SMIM3: variants seen among roughly 807,000 people sequenced by gnomAD.
The protein encoded by SMIM3 is NGF-induced differentiation clone 67 protein.
Under a neutral mutation model 2.1 loss-of-function variants are expected in SMIM3, and 4 were observed. The ratio of observed to expected loss-of-function variants is 1.89; its 90% confidence interval spans 0.93 to 4.31. SMIM3 has a LOEUF of 4.31. SMIM3 is among the 30% of genes most tolerant of loss of function. The pLI is 0.01. For missense variants in SMIM3, 79 were observed against 77.7 expected, an observed-to-expected ratio of 1.02 and a Z score of -0.06; for synonymous variants, 29 against 30.8, an observed-to-expected ratio of 0.94 and a Z score of 0.19.
At chr5:150,788,588 C>T (rs1753316260) in intron 1 of SMIM3, among the ~76,000 whole-genome samples, 1 of 146,870 alleles carries the variant, frequency 6.8e-6, no homozygotes, top group African/African-American at 2.6e-5. Flanking sequence ...GAGCTGAGAT[C>T]ACGCCACTGC....
chr5:150,786,651 T>A (rs999193097), intron 1 of SMIM3, among the ~76,000 whole-genome samples: 6 of 152,092 alleles, frequency 3.9e-5, no homozygotes, highest in Middle Eastern at 3.2e-3. Flanking sequence ...TCTGTCAAAA[T>A]TCTCAAACTT....
chr5:150,787,305 AGG>A (rs1753303316), intron 1 of SMIM3, among the ~76,000 whole-genome samples: 1 of 152,200 alleles, frequency 6.6e-6, no homozygotes, highest in Admixed American at 6.5e-5. Context: ...GCCTTCCATC[AGG>A]TTTTTTTGGT....
intron 1 of SMIM3, among the ~76,000 whole-genome samples, chr5:150,790,078 G>A (rs1753334824): frequency 6.6e-6 from 1 of 152,168 alleles, no homozygotes; most frequent in African/African-American, 2.4e-5. Flanking sequence ...GACACGATCA[G>A]ATCTATGTAT....
At chr5:150,790,555 A>G (rs1423009855) in intron 1 of SMIM3, among the ~76,000 whole-genome samples, 3 of 152,106 alleles carry the variant, frequency 2.0e-5, no homozygotes, top group Non-Finnish European at 2.9e-5. Flanking sequence ...AGATAATCCT[A>G]TGGCCCTGGG....
At chr5:150,782,575 A>G (rs1753246927) in intron 1 of SMIM3, among the ~76,000 whole-genome samples, 1 of 152,214 alleles carries the variant, frequency 6.6e-6, no homozygotes, top group Admixed American at 6.5e-5. Context: ...CTGAAAGGCC[A>G]GTTCTCTTCT....
intron 1 of SMIM3, among the ~76,000 whole-genome samples, chr5:150,781,606 A>T (rs925947234): frequency 1.3e-5 from 2 of 152,188 alleles, no homozygotes; most frequent in Non-Finnish European, 2.9e-5. Context: ...CATATTCAAG[A>T]TTCTGGGGAC....
At chr5:150,791,631 A>G (rs1753350789) in intron 1 of SMIM3, among the ~76,000 whole-genome samples, 1 of 152,206 alleles carries the variant, frequency 6.6e-6, no homozygotes. Flanking sequence ...AGTATATGCC[A>G]CATTATCTCT....
chr5:150,778,789 T>A lies in SMIM3; in HGVS notation c.-195T>A. 4.3e-6 allele frequency: 2 copies of A among 465,728 alleles called. No individual in the cohort carries two copies. Among genetic ancestry groups the A allele is most frequent in the Non-Finnish European group, 8.9e-6 (2 of 225,020 alleles). 28.8% of individuals were successfully genotyped at this position (465,728 alleles called of 1,614,324 possible). A position where few individuals can be genotyped will look rare whatever the true frequency, so the allele number is the denominator to read the frequency against. On this transcript the variant is annotated 5_prime_UTR_variant, in exon 1 of 2. Transcript: ENST00000526627. ...AGAGCCAGCAGCGCGTCCTGGCCGC[T>A]CCTGCGCTCTCCCGCCTCCCGGGGC...
intron 1 of SMIM3, among the ~76,000 whole-genome samples, chr5:150,794,623 C>T (rs770805207): frequency 6.6e-5 from 10 of 152,068 alleles, no homozygotes; most frequent in Non-Finnish European, 1.0e-4. Flanking sequence ...GCTATGAGGA[C>T]GCAAAGGCAT....
At chr5:150,790,006 A>G (rs951351301) in intron 1 of SMIM3, among the ~76,000 whole-genome samples, 1 of 152,182 alleles carries the variant, frequency 6.6e-6, no homozygotes, top group African/African-American at 2.4e-5. Context: ...TCTAGGATAC[A>G]GGTTACAGAA....
intron 1 of SMIM3, among the ~76,000 whole-genome samples, chr5:150,786,662 G>A (rs2113202418): frequency 6.6e-6 from 1 of 151,946 alleles, no homozygotes; most frequent in Non-Finnish European, 1.5e-5. Flanking sequence ...TCTCAAACTT[G>A]GAGTTTTTTC....
intron 1 of SMIM3, among the ~76,000 whole-genome samples, chr5:150,794,350 G>GA (rs1192126435): frequency 6.6e-6 from 1 of 151,974 alleles, no homozygotes; most frequent in Non-Finnish European, 1.5e-5. Context: ...GTCATTATTC[G>GA]AAAAAATACT....
chr5:150,795,562 C>T lies in SMIM3; in HGVS notation c.122C>T (p.Pro41Leu), dbSNP rs1276278483. 1.2e-6 allele frequency: 2 copies of T among 1,602,900 alleles called. No homozygotes were observed. Among genetic ancestry groups the T allele is most frequent in the East Asian group, 2.2e-5 (1 of 44,728 alleles). The change falls in exon 2 of 2, where the codon CCA becomes CTA. Residue 41 changes from proline to leucine, a missense_variant. Pro to Leu is a moderately conservative substitution (Grantham distance 98). Coordinates refer to ENST00000526627, the MANE Select transcript of SMIM3 (RefSeq NM_032947.5). The stretch of plus-strand genomic sequence containing the variant: ...ATCATGACCTCGTTGTTGCTGTGCC[C>T]AGCCACTGCAGTAATCATCTATCGC... Reference protein sequence around the residue: ...IVIMTSLLLCPATAVIIYRMR... With the variant: ...IVIMTSLLLCLATAVIIYRMR...
At chr5:150,794,430 A>G (rs959904311) in intron 1 of SMIM3, among the ~76,000 whole-genome samples, 2 of 152,254 alleles carry the variant, frequency 1.3e-5, no homozygotes, top group African/African-American at 4.8e-5. Context: ...ATGCCCATCA[A>G]TCAACAAGTG....
At chr5:150,783,619 C>G (rs59053014) in intron 1 of SMIM3, among the ~76,000 whole-genome samples, 20,944 of 152,228 alleles carry the variant, frequency 0.14, 2,534 homozygotes, top group African/African-American at 0.32. Context: ...CCTTGTCTCC[C>G]ACTTTGAGAT....
At chr5:150,781,422 C>T (rs1310914413) in intron 1 of SMIM3, among the ~76,000 whole-genome samples, 1 of 152,184 alleles carries the variant, frequency 6.6e-6, no homozygotes, top group Admixed American at 6.5e-5. Context: ...GGAAGGGGAA[C>T]TGCTCAGAAG....
At chr5:150,780,778 T>C (rs1474637746) in intron 1 of SMIM3, among the ~76,000 whole-genome samples, 1 of 152,114 alleles carries the variant, frequency 6.6e-6, no homozygotes, top group African/African-American at 2.4e-5. Flanking sequence ...GATTGAAACA[T>C]GCAAAGGAAA....
chr5:150,778,760 T>G lies in SMIM3; in HGVS notation c.-224T>G. The G allele has an allele frequency of 2.2e-6, 1 of 456,078 alleles. No individual in the cohort carries two copies. The highest frequency in any genetic ancestry group is 1.6e-5 in the South Asian group (1 of 62,546). 28.3% of individuals were successfully genotyped at this position (456,078 alleles called of 1,614,324 possible). A position where few individuals can be genotyped will look rare whatever the true frequency, so the allele number is the denominator to read the frequency against. Reference sequence around the variant, plus strand: ...GGGGGCGGTCCCCAGCAGCCGCGCATTCCAGAGCCAGCAGCGCGTCCTGGC... The same window carrying G: ...GGGGGCGGTCCCCAGCAGCCGCGCAGTCCAGAGCCAGCAGCGCGTCCTGGC... On this transcript the variant is annotated 5_prime_UTR_variant, in exon 1 of 2. Transcript: ENST00000526627.
chr5:150,794,664 G>C (rs57608551), intron 1 of SMIM3, among the ~76,000 whole-genome samples: 1,889 of 152,248 alleles, frequency 0.012, 46 homozygotes, highest in African/African-American at 0.043. Context: ...TGGTGACTTG[G>C]GGGGAAGAGT....
Sources: gnomAD v4.1 joint callset for allele counts (sites outside exome capture counted in the v4.1 genomes callset) on GRCh38, gnomAD v4.1.1 for gene constraint, MANE v1.5 for transcripts, NCBI Gene and HGNC (gene_info 2026-07-23, HGNC 2026-07-21) for gene names.